The following GULP1 variants were observed in gnomAD, a reference collection of about 807,000 sequenced individuals.
GULP1 encodes the protein GULP PTB domain containing engulfment adaptor 1, also known as PTB domain-containing engulfment adapter protein 1.
GULP1 carries 19 observed loss-of-function variants against 40.9 expected under a neutral mutation model. The ratio of observed to expected loss-of-function variants is 0.46; its 90% CI spans 0.32 to 0.68. The LOEUF (loss-of-function observed/expected upper bound fraction) is 0.68. GULP1 is among the 30% of genes least tolerant of loss of function. GULP1 has a pLI of 0.03. For synonymous variants in GULP1, 119 were observed against 117.6 expected (o/e 1.01, Z -0.08); for missense variants, 312 against 362.2 (o/e 0.86, Z 1.12).
chr2:188,465,377 C>A (rs903643919), intron 2 of GULP1, among the ~76,000 whole-genome samples: 2 of 151,884 alleles, frequency 1.3e-5, no homozygotes, highest in African/African-American at 4.8e-5. Context: ...AGCTGGTATC[C>A]AAGAGGCAAG....
At chr2:188,557,207 C>T (rs114361034) in intron 7 of GULP1, among the ~76,000 whole-genome samples, 4,378 of 152,198 alleles carry the variant, frequency 0.029, 94 homozygotes, top group African/African-American at 0.063. Flanking sequence ...ACAATCATAC[C>T]TTTCCAGCAG....
intron 1 of GULP1, among the ~76,000 whole-genome samples, chr2:188,311,321 C>G (rs1201154621): frequency 6.6e-6 from 1 of 152,074 alleles, no homozygotes; most frequent in Non-Finnish European, 1.5e-5. Flanking sequence ...CTCAGCCTCC[C>G]GAGTAGCTGG....
intron 1 of GULP1, among the ~76,000 whole-genome samples, chr2:188,365,135 A>C (rs944834520): frequency 6.6e-6 from 1 of 152,164 alleles, no homozygotes; most frequent in African/African-American, 2.4e-5. Flanking sequence ...CCCTGATGAA[A>C]CAAGTGGTGT....
At position 188,320,388 on chromosome 2, in the gene GULP1, A is replaced by G. The variant is rs565018490; in HGVS notation, c.-172+28222A>G. ...GACTTTAACGTCCTTGGCAGTAGGTATGTATTTGCTGCATCATTACATGGA... is the reference window on the plus strand; with the variant it reads ...GACTTTAACGTCCTTGGCAGTAGGTGTGTATTTGCTGCATCATTACATGGA... On this transcript the variant is annotated intron_variant, in intron 1 of 11. Transcript: ENST00000409830. Among the ~76,000 whole-genome samples the G allele has an allele frequency of 1.4e-4, 22 of 152,276 alleles. No individual in the cohort carries two copies. In the South Asian group the frequency reaches 4.3e-3, roughly 30 times the overall value.
At chr2:188,331,768 A>T (rs903765355) in intron 1 of GULP1, among the ~76,000 whole-genome samples, 2 of 152,212 alleles carry the variant, frequency 1.3e-5, no homozygotes, top group Non-Finnish European at 2.9e-5. Context: ...GGGAAAATGG[A>T]CAAATTATAC....
chr2:188,323,240 A>G lies in GULP1; in HGVS notation c.-172+31074A>G, dbSNP rs575938782. ...CCTCTTCTCCCTGAATTGCCATTGT[A>G]CTTCCTGCGATTTTATTTTATTTCA... On this transcript the variant is annotated intron_variant, in intron 1 of 11. Transcript: ENST00000409830. 4.6e-5 allele frequency among the ~76,000 whole-genome samples: 7 copies of G among 152,040 alleles called. No individual in the cohort carries two copies. In the South Asian group the frequency reaches 1.0e-3, roughly 22 times the overall value.
intron 2 of GULP1, among the ~76,000 whole-genome samples, chr2:188,469,727 T>A (rs952478595): frequency 6.6e-6 from 1 of 152,220 alleles, no homozygotes; most frequent in Non-Finnish European, 1.5e-5. Flanking sequence ...GAAGTATGTT[T>A]CTTCTATACT....
At chr2:188,552,515 G>A (rs1277363490) in intron 7 of GULP1, among the ~76,000 whole-genome samples, 5 of 151,706 alleles carry the variant, frequency 3.3e-5, no homozygotes, top group Admixed American at 3.3e-4. Flanking sequence ...ATTATTCTGT[G>A]TGTCTGTTTT....
intron 4 of GULP1, among the ~76,000 whole-genome samples, chr2:188,485,380 T>A (rs2061777101): frequency 6.6e-6 from 1 of 151,940 alleles, no homozygotes. Flanking sequence ...GCAGGATGAT[T>A]TTGTCTACTA....
chr2:188,450,471 G>C (rs1396021275), intron 2 of GULP1, among the ~76,000 whole-genome samples: 1 of 152,092 alleles, frequency 6.6e-6, no homozygotes, highest in Non-Finnish European at 1.5e-5. Context: ...AACTAGCTTA[G>C]TGTGCACATT....
At chr2:188,535,311 ATAGT>A (rs1258972585) in intron 6 of GULP1, among the ~76,000 whole-genome samples, 2 of 152,076 alleles carry the variant, frequency 1.3e-5, no homozygotes, top group East Asian at 1.9e-4. Flanking sequence ...ACAGTACCCA[ATAGT>A]TAGTTTTTCA....
At chr2:188,386,097 C>T (rs764206905) in intron 2 of GULP1, among the ~76,000 whole-genome samples, 25 of 152,224 alleles carry the variant, frequency 1.6e-4, no homozygotes, top group African/African-American at 2.9e-4. Context: ...CTGCTGATGA[C>T]GACATACCCA....
At chr2:188,554,561 AAT>A (rs1559373509) in intron 7 of GULP1, among the ~76,000 whole-genome samples, 1 of 151,532 alleles carries the variant, frequency 6.6e-6, no homozygotes, top group African/African-American at 2.4e-5. Context: ...TTTGTGGCCT[AAT>A]ATATGGGCTA....
intron 4 of GULP1, among the ~76,000 whole-genome samples, chr2:188,505,564 T>C (rs543551411): frequency 7.5e-4 from 114 of 151,940 alleles, no homozygotes; most frequent in Admixed American, 1.2e-3. Flanking sequence ...TCACACACTC[T>C]TCTGAGGTAC....
intron 1 of GULP1, among the ~76,000 whole-genome samples, chr2:188,309,083 AT>A (rs2037630494): frequency 6.6e-6 from 1 of 152,056 alleles, no homozygotes; most frequent in African/African-American, 2.4e-5. Flanking sequence ...TGTTTTTGAA[AT>A]TGTTCCTTTT....
At chr2:188,400,275 A>G (rs1271267770) in intron 2 of GULP1, among the ~76,000 whole-genome samples, 1 of 152,146 alleles carries the variant, frequency 6.6e-6, no homozygotes, top group Admixed American at 6.5e-5. Flanking sequence ...TAAACATATC[A>G]GTCATTGTAT....
At chr2:188,485,660 C>T (rs2061801904) in intron 4 of GULP1, among the ~76,000 whole-genome samples, 1 of 151,954 alleles carries the variant, frequency 6.6e-6, no homozygotes, top group African/African-American at 2.4e-5. Context: ...TATCATGACT[C>T]CAACACTTAT....
chr2:188,421,817 A>T (rs2055459431), intron 2 of GULP1, among the ~76,000 whole-genome samples: 1 of 152,188 alleles, frequency 6.6e-6, no homozygotes, highest in African/African-American at 2.4e-5. Context: ...AGATGTATGA[A>T]GGACTCAAAG....
chr2:188,529,165 TG>T lies in GULP1; in HGVS notation c.233del (p.Gly78GlufsTer2). ...AAGTGGAGTTGCAAATATCAATTTA[TG>T]GAGTAAAAATTCTAGAACCCAAAAC... ...PKVELQISIY[G>X]VKILEPKTKE... On this transcript the variant is annotated frameshift_variant, in exon 6 of 12. Coordinates refer to ENST00000409830, the MANE Select transcript of GULP1 (RefSeq NM_016315.4). LOFTEE classifies it high-confidence loss of function. The T allele has an allele frequency of 6.3e-7, 1 of 1,581,188 alleles. No homozygotes were observed. The highest frequency in any genetic ancestry group is 1.1e-5 in the South Asian group (1 of 87,432).
Sources: gnomAD v4.1 joint callset for allele counts (sites outside exome capture counted in the v4.1 genomes callset) on GRCh38, gnomAD v4.1.1 for gene constraint, MANE v1.5 for transcripts, NCBI Gene and HGNC (gene_info 2026-07-23, HGNC 2026-07-21) for gene names.